TAFA5: variants seen among roughly 807,000 people sequenced by gnomAD.
TAFA5 encodes the protein TAFA chemokine like family member 5, also known as chemokine-like protein TAFA-5.
TAFA5 carries 6 observed loss-of-function variants against 15.3 expected under a neutral mutation model. The ratio of observed to expected loss-of-function variants is 0.39; its 90% confidence interval spans 0.21 to 0.77. The LOEUF is 0.77. TAFA5 is among the 30% of genes least tolerant of loss of function. The pLI is 0.41. For synonymous variants in TAFA5, 103 were observed against 80.7 expected, an observed-to-expected ratio of 1.28 and a Z score of -1.48; for missense variants, 161 against 193.1, an observed-to-expected ratio of 0.83 and a Z score of 0.98.
At chr22:48,739,165 T>G (rs1601709033) in intron 3 of TAFA5, among the ~76,000 whole-genome samples, 2 of 152,190 alleles carry the variant, frequency 1.3e-5, no homozygotes, top group Middle Eastern at 6.8e-3. Context: ...TGGAAGCTTC[T>G]AGGAACTTCT....
At chr22:48,527,898 C>T (rs760524450) in intron 1 of TAFA5, among the ~76,000 whole-genome samples, 13 of 152,204 alleles carry the variant, frequency 8.5e-5, no homozygotes, top group Non-Finnish European at 1.8e-4. Context: ...TGCCAGCAGC[C>T]GTAACAGGTG....
intron 1 of TAFA5, among the ~76,000 whole-genome samples, chr22:48,605,291 ATGG>A (rs1268129377): frequency 9.6e-5 from 1 of 10,376 alleles, no homozygotes. Context: ...GATGTTGTTA[ATGG>A]TGGTGATGGT....
chr22:48,658,292 A>G lies in TAFA5; in HGVS notation c.262+11546A>G, dbSNP rs184401644. On this transcript the variant is annotated intron_variant, in intron 2 of 3. Transcript: ENST00000402357. The stretch of plus-strand genomic sequence containing the variant: ...GACTGCTGCGTTCCTATTATGGCCC[A>G]TCTGGGGATTCCGGGGCTCTTCTGA... Among the ~76,000 whole-genome samples the G allele has an allele frequency of 4.4e-3, 677 of 152,270 alleles. 6 individuals are homozygous for G. Among genetic ancestry groups the G allele is most frequent in the Admixed American group, 8.8e-3 (135 of 15,300 alleles).
intron 2 of TAFA5, among the ~76,000 whole-genome samples, chr22:48,655,458 G>A (rs1927202317): frequency 1.3e-5 from 2 of 152,160 alleles, no homozygotes; most frequent in Admixed American, 1.3e-4. Flanking sequence ...GTGTGGTGAG[G>A]GCTGCATTCT....
chr22:48,693,664 C>T (rs1010232510), intron 2 of TAFA5, among the ~76,000 whole-genome samples: 5 of 152,146 alleles, frequency 3.3e-5, no homozygotes, highest in African/African-American at 4.8e-5. Flanking sequence ...GTCTCAGTCC[C>T]GCACCACACC....
chr22:48,681,476 C>T (rs1879896178), intron 2 of TAFA5, among the ~76,000 whole-genome samples: 1 of 130,324 alleles, frequency 7.7e-6, no homozygotes, highest in Admixed American at 7.8e-5. Context: ...AACCCTGTCT[C>T]TACTAAAAAA....
chr22:48,677,767 G>A (rs1569075387), intron 2 of TAFA5, among the ~76,000 whole-genome samples: 1 of 152,138 alleles, frequency 6.6e-6, no homozygotes, highest in African/African-American at 2.4e-5. Context: ...CAGGTCGGGC[G>A]GGCGTGGCGT....
At chr22:48,630,415 G>A (rs138436601) in intron 1 of TAFA5, among the ~76,000 whole-genome samples, 1 of 152,198 alleles carries the variant, frequency 6.6e-6, no homozygotes, top group South Asian at 2.1e-4. Flanking sequence ...CTCCACTGCT[G>A]CCTCGGCCCT....
At position 48,697,721 on chromosome 22, in the gene TAFA5, G is replaced by T. The variant is rs117703415; in HGVS notation, c.263-9996G>T. 4.5e-3 allele frequency among the ~76,000 whole-genome samples: 686 copies of T among 151,930 alleles called. 12 individuals are homozygous for T. In the East Asian group the frequency reaches 0.052, roughly 11 times the overall value. ...ACAATTGATGATGATGTTGGTGATG[G>T]TGATGATCATGGTAGTGGTTATGAT... On this transcript the variant is annotated intron_variant, in intron 2 of 3. Coordinates refer to ENST00000402357, the MANE Select transcript of TAFA5 (RefSeq NM_001082967.3).
intron 1 of TAFA5, among the ~76,000 whole-genome samples, chr22:48,542,862 T>A (rs1922510177): frequency 6.8e-6 from 1 of 147,664 alleles, no homozygotes; most frequent in Non-Finnish European, 1.5e-5. Context: ...TTGTGTAGAG[T>A]ATGTATGGTG....
intron 1 of TAFA5, among the ~76,000 whole-genome samples, chr22:48,522,585 C>T (rs1400763346): frequency 2.6e-5 from 4 of 152,142 alleles, no homozygotes; most frequent in African/African-American, 7.2e-5. Flanking sequence ...CCCCCAACCT[C>T]GAGAGGCAAC....
chr22:48,608,756 C>T (rs1925290123), intron 1 of TAFA5, among the ~76,000 whole-genome samples: 1 of 152,160 alleles, frequency 6.6e-6, no homozygotes, highest in South Asian at 2.1e-4. Flanking sequence ...GGAGGGGCTC[C>T]CGAAGCCCGC....
intron 1 of TAFA5, among the ~76,000 whole-genome samples, chr22:48,605,987 G>C (rs939198880): frequency 2.0e-5 from 3 of 152,206 alleles, no homozygotes. Flanking sequence ...GTGCTGGGTG[G>C]CTGGAGGAGG....
At chr22:48,724,299 C>T (rs1929654582) in intron 3 of TAFA5, among the ~76,000 whole-genome samples, 1 of 152,216 alleles carries the variant, frequency 6.6e-6, no homozygotes, top group African/African-American at 2.4e-5. Flanking sequence ...GGCCATGTGG[C>T]TTCAGGTTCT....
intron 2 of TAFA5, among the ~76,000 whole-genome samples, chr22:48,693,035 G>A (rs751286424): frequency 1.3e-5 from 2 of 152,226 alleles, no homozygotes; most frequent in Non-Finnish European, 2.9e-5. Flanking sequence ...GCAGAACTCA[G>A]CAGCGTGTTT....
At chr22:48,702,661 C>T (rs751411725) in intron 2 of TAFA5, among the ~76,000 whole-genome samples, 28 of 152,234 alleles carry the variant, frequency 1.8e-4, no homozygotes, top group South Asian at 4.1e-4. Context: ...CCGTCACTCA[C>T]GCTACCTCAG....
chr22:48,574,211 G>A (rs1345654874), intron 1 of TAFA5, among the ~76,000 whole-genome samples: 1 of 152,258 alleles, frequency 6.6e-6, no homozygotes, highest in Non-Finnish European at 1.5e-5. Flanking sequence ...TTAGTTGCTT[G>A]GCTGGTGTGA....
chr22:48,553,323 C>T (rs1922920740), intron 1 of TAFA5, among the ~76,000 whole-genome samples: 1 of 152,206 alleles, frequency 6.6e-6, no homozygotes, highest in South Asian at 2.1e-4. Context: ...CCATGTGCCC[C>T]CACAGACACG....
intron 1 of TAFA5, among the ~76,000 whole-genome samples, chr22:48,635,099 G>A (rs1018984749): frequency 2.6e-5 from 4 of 152,026 alleles, no homozygotes; most frequent in East Asian, 1.9e-4. Flanking sequence ...GCCTGGGGAC[G>A]GAGAACGCAG....
Sources: gnomAD v4.1 joint callset for allele counts (sites outside exome capture counted in the v4.1 genomes callset) on GRCh38, gnomAD v4.1.1 for gene constraint, MANE v1.5 for transcripts, NCBI Gene and HGNC (gene_info 2026-07-23, HGNC 2026-07-21) for gene names.